The following RPH3A variants were observed in gnomAD, a reference collection of about 807,000 sequenced individuals.
RPH3A encodes the protein rabphilin 3A, also known as rabphilin-3A.
Under a neutral mutation model 102.2 loss-of-function variants are expected in RPH3A, and 48 were observed. The observed-to-expected ratio is 0.47, with a 90% CI of 0.37 to 0.60. RPH3A has a LOEUF of 0.60. Among genes scored for constraint, RPH3A ranks in the 20% least tolerant of loss-of-function variants. RPH3A has a pLI of 0.00. For missense variants in RPH3A, 781 were observed against 910.1 expected (o/e 0.86, Z 1.83); for synonymous variants, 310 against 324.3 (o/e 0.96, Z 0.47).
intron 1 of RPH3A, among the ~76,000 whole-genome samples, chr12:112,617,153 C>T (rs952498771): frequency 6.6e-6 from 1 of 152,194 alleles, no homozygotes; most frequent in Non-Finnish European, 1.5e-5. Flanking sequence ...CCGGTTTGTC[C>T]CCTGCTTTCC....
intron 1 of RPH3A, among the ~76,000 whole-genome samples, chr12:112,735,750 A>C (rs2040664596): frequency 6.6e-6 from 1 of 151,336 alleles, no homozygotes; most frequent in South Asian, 2.1e-4. Flanking sequence ...GGTCTTCCCC[A>C]CCTCCCCCCA....
intron 1 of RPH3A, among the ~76,000 whole-genome samples, chr12:112,714,856 A>ATATT: frequency 6.6e-6 from 1 of 152,304 alleles, no homozygotes; most frequent in East Asian, 1.9e-4. Flanking sequence ...AACCATCCAC[A>ATATT]TATTCATTTA....
intron 2 of RPH3A, among the ~76,000 whole-genome samples, chr12:112,825,031 C>A (rs2041843266): frequency 6.6e-6 from 1 of 152,146 alleles, no homozygotes. Context: ...AGACCAACTG[C>A]AGCCGAGGAA....
At chr12:112,607,287 A>G in intron 1 of RPH3A, among the ~76,000 whole-genome samples, 1 of 152,212 alleles carries the variant, frequency 6.6e-6, no homozygotes, top group East Asian at 1.9e-4. Flanking sequence ...TAGCACACCC[A>G]TACTATTTAT....
chr12:112,685,031 ATCT>A (rs1235255288), intron 1 of RPH3A, among the ~76,000 whole-genome samples: 3 of 152,156 alleles, frequency 2.0e-5, no homozygotes, highest in African/African-American at 7.2e-5. Flanking sequence ...GGCTCATGCA[ATCT>A]TCTAGCCTCA....
intron 1 of RPH3A, among the ~76,000 whole-genome samples, chr12:112,774,200 A>T (rs2040948795): frequency 6.6e-6 from 1 of 152,210 alleles, no homozygotes; most frequent in Non-Finnish European, 1.5e-5. Flanking sequence ...ATATATAGAG[A>T]GGTATATCTA....
At chr12:112,724,245 G>C (rs1179350980) in intron 1 of RPH3A, among the ~76,000 whole-genome samples, 1 of 151,500 alleles carries the variant, frequency 6.6e-6, no homozygotes, top group Non-Finnish European at 1.5e-5. Flanking sequence ...TTTTTTGTTT[G>C]GTAAAGACAG....
intron 1 of RPH3A, among the ~76,000 whole-genome samples, chr12:112,727,478 CACACACA>C: frequency 1.9e-5 from 2 of 107,344 alleles, no homozygotes; most frequent in Non-Finnish European, 4.0e-5. Context: ...CACACACACA[CACACACA>C]CACACAGACC....
At chr12:112,726,746 G>T (rs1185359690) in intron 1 of RPH3A, among the ~76,000 whole-genome samples, 3 of 152,140 alleles carry the variant, frequency 2.0e-5, no homozygotes, top group Non-Finnish European at 2.9e-5. Flanking sequence ...TTTCTGGCTG[G>T]GTGCAGTGGC....
Position 112,661,422 on chromosome 12 carries a change from G to A in RPH3A, c.-140+86103G>A, listed in dbSNP as rs888480234. Among the ~76,000 whole-genome samples, 3 of 152,182 alleles carry A rather than the reference G, an allele frequency of 2.0e-5. No homozygotes were observed. In the East Asian group the frequency reaches 5.8e-4, roughly 29 times the overall value. ...ATAACTACAGCCCCTGCTTTCTTAGGCAGGTGTGTGGATTCTGTGGAGGAA... is the reference window on the plus strand; with the variant it reads ...ATAACTACAGCCCCTGCTTTCTTAGACAGGTGTGTGGATTCTGTGGAGGAA... On this transcript the variant is annotated intron_variant, in intron 1 of 21. Transcript: ENST00000543106.
chr12:112,828,585 T>C (rs1451648239), intron 3 of RPH3A, among the ~76,000 whole-genome samples, 196 bp downstream of exon 3: 1 of 152,184 alleles, frequency 6.6e-6, no homozygotes, highest in African/African-American at 2.4e-5. Context: ...AAATCCTGAG[T>C]TTCATGCTCC....
chr12:112,774,168 A>T (rs1457744483), intron 1 of RPH3A, among the ~76,000 whole-genome samples: 1 of 152,158 alleles, frequency 6.6e-6, no homozygotes, highest in African/African-American at 2.4e-5. Flanking sequence ...GCTGTGCAAT[A>T]ATAATAAATA....
intron 1 of RPH3A, among the ~76,000 whole-genome samples, chr12:112,666,179 C>T (rs1416187343): frequency 6.6e-6 from 1 of 152,214 alleles, no homozygotes; most frequent in Non-Finnish European, 1.5e-5. Flanking sequence ...ATGTAGGTCA[C>T]TGACAGGAAA....
intron 1 of RPH3A, among the ~76,000 whole-genome samples, chr12:112,608,624 C>A (rs969030493): frequency 6.6e-6 from 1 of 152,156 alleles, no homozygotes; most frequent in African/African-American, 2.4e-5. Context: ...CGACTTAAGA[C>A]CTGAGAAATG....
intron 1 of RPH3A, among the ~76,000 whole-genome samples, chr12:112,717,122 G>A (rs901001672): frequency 7.9e-5 from 12 of 152,140 alleles, no homozygotes; most frequent in African/African-American, 2.9e-4. Flanking sequence ...TGGATTTGTG[G>A]ATGGTATAAT....
In RPH3A at chr12:112,722,282, G is replaced by A. The variant is rs560525342; in HGVS notation, c.-139-69861G>A. Among the ~76,000 whole-genome samples, 4 of 152,362 alleles carry A rather than the reference G, an allele frequency of 2.6e-5. No homozygotes were observed. The East Asian group carries it at 5.8e-4, about 22-fold the overall frequency. ...AAGAATGCATAGCTCTTCAGAGATG[G>A]TGTCCTGATCAGGTTCTGTAGGTAG... is the stretch of plus-strand genomic sequence containing the variant. On this transcript the variant is annotated intron_variant, in intron 1 of 21. Transcript: ENST00000543106.
At chr12:112,627,234 G>A (rs903070465) in intron 1 of RPH3A, among the ~76,000 whole-genome samples, 3 of 151,270 alleles carry the variant, frequency 2.0e-5, no homozygotes, top group African/African-American at 7.3e-5. Context: ...AAAAATATTT[G>A]TATTATGCAC....
At chr12:112,707,714 G>T (rs532379245) in intron 1 of RPH3A, among the ~76,000 whole-genome samples, 20 of 152,240 alleles carry the variant, frequency 1.3e-4, no homozygotes, top group Non-Finnish European at 2.5e-4. Flanking sequence ...GGGGACATTT[G>T]CAGAGCAGGG....
intron 2 of RPH3A, among the ~76,000 whole-genome samples, chr12:112,811,576 C>T (rs2041577409): frequency 6.7e-6 from 1 of 149,656 alleles, no homozygotes. Context: ...ACAGCTGAAA[C>T]AAGAAGAAAG....
Sources: gnomAD v4.1 joint callset for allele counts (sites outside exome capture counted in the v4.1 genomes callset) on GRCh38, gnomAD v4.1.1 for gene constraint, MANE v1.5 for transcripts, NCBI Gene and HGNC (gene_info 2026-07-23, HGNC 2026-07-21) for gene names.